LRRTM4: variants seen among roughly 807,000 people sequenced by gnomAD.
LRRTM4 encodes the protein leucine-rich repeat transmembrane neuronal protein 4.
In LRRTM4, 25 loss-of-function variants were observed where a neutral mutation model predicts 47.6. The ratio of observed to expected loss-of-function variants is 0.53; its 90% CI spans 0.38 to 0.73. LRRTM4 has a LOEUF of 0.73. Among genes scored for constraint, LRRTM4 ranks in the 30% least tolerant of loss-of-function variants. The probability of loss-of-function intolerance (pLI) is 0.00; values close to 1 mark genes in which losing one functional copy is unlikely to be tolerated. For synonymous variants in LRRTM4, 311 were observed against 269.5 expected (o/e 1.15, Z -1.51); for missense variants, 638 against 713.4 (o/e 0.89, Z 1.20).
rs1671910191 is a variant in LRRTM4 at position 77,354,785 on chromosome 2, A to G, written c.1551+163533T>C. On this transcript the variant is annotated intron_variant, in intron 3 of 3. Coordinates refer to ENST00000409884, the MANE Select transcript of LRRTM4 (RefSeq NM_001134745.3). ...CCATTGGCTAAGGGCAGGGCAGAAT[A>G]TGTATACTCCCAGCTCTTCTACCTC... Among the ~76,000 whole-genome samples the G allele has an allele frequency of 2.0e-5, 3 of 152,156 alleles. No individual in the cohort carries two copies. The South Asian group carries it at 6.2e-4, about 31-fold the overall frequency.
chr2:77,040,595 G>A (rs1416462837), intron 3 of LRRTM4, among the ~76,000 whole-genome samples: 1 of 151,308 alleles, frequency 6.6e-6, no homozygotes, highest in African/African-American at 2.4e-5. Context: ...TATGGCAGTT[G>A]CAAAGGCTTA....
chr2:77,232,304 G>A (rs968695589), intron 3 of LRRTM4, among the ~76,000 whole-genome samples: 1 of 152,190 alleles, frequency 6.6e-6, no homozygotes, highest in Non-Finnish European at 1.5e-5. Flanking sequence ...AAAGAACAGA[G>A]ATTCATTATT....
At chr2:76,809,654 C>T (rs1362476278) in intron 3 of LRRTM4, among the ~76,000 whole-genome samples, 1 of 152,166 alleles carries the variant, frequency 6.6e-6, no homozygotes, top group East Asian at 1.9e-4. Flanking sequence ...ATGCACTCTT[C>T]TGCTTAGTGT....
chr2:76,966,156 CA>C (rs1294907661), intron 3 of LRRTM4, among the ~76,000 whole-genome samples: 1 of 151,194 alleles, frequency 6.6e-6, no homozygotes, highest in Non-Finnish European at 1.5e-5. Flanking sequence ...TAGTAAATGG[CA>C]ACAAATACTT....
chr2:76,860,475 G>A (rs1404382658), intron 3 of LRRTM4, among the ~76,000 whole-genome samples: 6 of 152,198 alleles, frequency 3.9e-5, no homozygotes, highest in Non-Finnish European at 5.9e-5. Flanking sequence ...TTCGTGGCTA[G>A]CTGTGCACAC....
In LRRTM4 at chr2:76,965,328, C is replaced by T. The variant is rs377724046; in HGVS notation, c.1552-216412G>A. Reference sequence around the variant, plus strand: ...CAAAATATTAGCAAATTGAGTTCAACAATGTGTAGAAAGAATTATACACCA... The same window carrying T: ...CAAAATATTAGCAAATTGAGTTCAATAATGTGTAGAAAGAATTATACACCA... On this transcript the variant is annotated intron_variant, in intron 3 of 3. Coordinates refer to ENST00000409884, the MANE Select transcript of LRRTM4 (RefSeq NM_001134745.3). Among the ~76,000 whole-genome samples, 157 of 151,320 alleles carry T rather than the reference C, an allele frequency of 1.0e-3. 1 individual carries two copies. The South Asian group carries it at 0.03, about 29-fold the overall frequency.
chr2:77,219,474 A>T (rs975351330), intron 3 of LRRTM4, among the ~76,000 whole-genome samples: 3 of 152,192 alleles, frequency 2.0e-5, no homozygotes, highest in African/African-American at 7.2e-5. Context: ...AAAAAAACAG[A>T]AACACGATTT....
chr2:77,496,111 T>G (rs1328409061), intron 3 of LRRTM4, among the ~76,000 whole-genome samples: 1 of 151,952 alleles, frequency 6.6e-6, no homozygotes, highest in Non-Finnish European at 1.5e-5. Context: ...CTTCATATTT[T>G]TATACTATGA....
chr2:77,189,880 A>C (rs1018794285), intron 3 of LRRTM4, among the ~76,000 whole-genome samples: 1 of 152,142 alleles, frequency 6.6e-6, no homozygotes, highest in Non-Finnish European at 1.5e-5. Flanking sequence ...ATACACATAT[A>C]TAACTGACTA....
intron 3 of LRRTM4, among the ~76,000 whole-genome samples, chr2:77,438,685 C>T (rs1675711280): frequency 1.3e-5 from 2 of 152,018 alleles, no homozygotes; most frequent in Admixed American, 6.6e-5. Flanking sequence ...GGATTACAGG[C>T]GTGAGCCAAC....
chr2:76,960,457 G>C (rs1053911922), intron 3 of LRRTM4, among the ~76,000 whole-genome samples: 7 of 151,448 alleles, frequency 4.6e-5, no homozygotes, highest in Non-Finnish European at 1.0e-4. Flanking sequence ...GAACATTATA[G>C]CAATGTGGAC....
rs1672265843 is a variant in LRRTM4, at chr2:77,362,170, A to AAAGGAAGAAAGGAAGGAAGG, written c.1551+156147_1551+156148insCCTTCCTTCCTTTCTTCCTT. 3.0e-5 allele frequency among the ~76,000 whole-genome samples: 4 copies of AAAGGAAGAAAGGAAGGAAGG among 133,630 alleles called. No homozygotes were observed. In the East Asian group the frequency reaches 9.1e-4, roughly 30 times the overall value. The allele number at this position is 133,630 out of a possible 152,430, so 87.7% of individuals were successfully genotyped here. A position where few individuals can be genotyped will look rare whatever the true frequency, so the allele number is the denominator to read the frequency against. ...GAAAGAAAGAAAGAAAGAAAGAAAGAAAGGAAGGAAGGAAGAGTTCTTAAT... is the reference window on the plus strand; with the variant it reads ...GAAAGAAAGAAAGAAAGAAAGAAAGAAAGGAAGAAAGGAAGGAAGGAAGGAAGGAAGGAAGAGTTCTTAAT... On this transcript the variant is annotated intron_variant, in intron 3 of 3. Transcript: ENST00000409884.
At chr2:77,039,743 A>G (rs2104170661) in intron 3 of LRRTM4, among the ~76,000 whole-genome samples, 1 of 151,342 alleles carries the variant, frequency 6.6e-6, no homozygotes, top group African/African-American at 2.4e-5. Flanking sequence ...AGTCATTTCT[A>G]AGAAATATTA....
chr2:76,788,843 AATG>A (rs1179866717), intron 3 of LRRTM4, among the ~76,000 whole-genome samples: 1 of 150,274 alleles, frequency 6.7e-6, no homozygotes, highest in East Asian at 2.1e-4. Flanking sequence ...CTGTGATAAT[AATG>A]ATAAATGTTT....
At chr2:76,913,044 A>G (rs78744004) in intron 3 of LRRTM4, among the ~76,000 whole-genome samples, 6,834 of 152,276 alleles carry the variant, frequency 0.045, 334 homozygotes, top group East Asian at 0.13. Context: ...TACCTTAGAC[A>G]ACACTAGTTA....
intron 3 of LRRTM4, among the ~76,000 whole-genome samples, chr2:76,970,148 A>G (rs1676168306): frequency 6.6e-6 from 1 of 152,014 alleles, no homozygotes; most frequent in African/African-American, 2.4e-5. Flanking sequence ...TCTTCCTTCC[A>G]TGATATGTAA....
intron 3 of LRRTM4, among the ~76,000 whole-genome samples, chr2:76,984,220 TATG>T (rs1214809241): frequency 2.6e-5 from 4 of 152,056 alleles, no homozygotes; most frequent in Admixed American, 1.3e-4. Flanking sequence ...TTCACAGCTT[TATG>T]ATGTATTGTT....
rs576416244 is a variant in LRRTM4, at chr2:77,093,079, A to G, written c.1552-344163T>C. On this transcript the variant is annotated intron_variant, in intron 3 of 3. Transcript: ENST00000409884. ...CATTCCAGACACCAGACCAACTTAGACTGTGCCCCAAAAAACTTGTCATCC... is the reference window on the plus strand; with the variant it reads ...CATTCCAGACACCAGACCAACTTAGGCTGTGCCCCAAAAAACTTGTCATCC... Among the ~76,000 whole-genome samples, 530 of 146,248 alleles carry G rather than the reference A, an allele frequency of 3.6e-3. 32 individuals are homozygous for G. The highest frequency in any genetic ancestry group is 0.014 in the African/African-American group (507 of 36,578).
chr2:77,190,580 G>A (rs930551280), intron 3 of LRRTM4, among the ~76,000 whole-genome samples: 2 of 151,930 alleles, frequency 1.3e-5, no homozygotes, highest in Non-Finnish European at 2.9e-5. Context: ...GATTACAGAC[G>A]TGCACCACCG....
Sources: allele counts gnomAD v4.1 joint callset (sites outside exome capture counted in the v4.1 genomes callset), GRCh38; gene constraint gnomAD v4.1.1; transcripts MANE v1.5; gene names NCBI Gene and HGNC (gene_info 2026-07-23, HGNC 2026-07-21).